PDE4D: variants seen among roughly 807,000 people sequenced by gnomAD.
PDE4D encodes 3',5'-cyclic-AMP phosphodiesterase 4D.
A neutral mutation model predicts 87.4 loss-of-function variants in PDE4D; 24 were observed. The observed-to-expected ratio is 0.27, with a 90% CI of 0.20 to 0.39. The LOEUF is 0.39. Among genes scored for constraint, PDE4D ranks in the 10% least tolerant of loss-of-function variants. The pLI, the probability that PDE4D is intolerant of heterozygous loss-of-function variation, is 1.00. For missense variants in PDE4D, 714 were observed against 1,041.0 expected, an observed-to-expected ratio of 0.69 and a Z score of 4.32; for synonymous variants, 384 against 383.2, an observed-to-expected ratio of 1.00 and a Z score of -0.02.
intron 1 of PDE4D, among the ~76,000 whole-genome samples, chr5:59,701,008 G>T (rs1752475453): frequency 1.3e-5 from 2 of 152,122 alleles, no homozygotes; most frequent in African/African-American, 4.8e-5. Flanking sequence ...GTTTGAGGAT[G>T]AACCCAAAGT....
At chr5:59,872,700 A>AGGGAG (rs963765218) in intron 1 of PDE4D, among the ~76,000 whole-genome samples, 18 of 152,202 alleles carry the variant, frequency 1.2e-4, no homozygotes, top group Admixed American at 5.2e-4. Flanking sequence ...GTTTGGTCTC[A>AGGGAG]GGGAGTGTGC....
At chr5:59,766,381 T>C (rs1271883383) in intron 1 of PDE4D, among the ~76,000 whole-genome samples, 2 of 152,206 alleles carry the variant, frequency 1.3e-5, no homozygotes, top group Non-Finnish European at 2.9e-5. Context: ...GAAATATTGA[T>C]AGAAATTGTG....
At chr5:59,186,315 T>C (rs1742901626) in intron 3 of PDE4D, among the ~76,000 whole-genome samples, 1 of 152,200 alleles carries the variant, frequency 6.6e-6, no homozygotes, top group Non-Finnish European at 1.5e-5. Flanking sequence ...TAGTGATACC[T>C]ACCTCGTAGA....
chr5:60,106,040 C>T (rs1776866886), intron 2 of PDE4D, among the ~76,000 whole-genome samples: 1 of 152,094 alleles, frequency 6.6e-6, no homozygotes, highest in Non-Finnish European at 1.5e-5. Flanking sequence ...AGTAAATGCT[C>T]CAATTAAAAG....
rs547076096 is a variant in PDE4D, at chr5:59,098,065, A to G, written c.809-59094T>C. Among the ~76,000 whole-genome samples, 7 of 152,314 alleles carry G rather than the reference A, an allele frequency of 4.6e-5. No homozygotes were observed. In the South Asian group the frequency reaches 1.2e-3, roughly 27 times the overall value. On this transcript the variant is annotated intron_variant, in intron 5 of 14. Transcript: ENST00000340635. ...ATTCCCAACTTCCAATATTTTTTAA[A>G]TTCTGTGGTTTTCTGGATTAATAAA...
chr5:59,349,125 A>C (rs1405494744), intron 1 of PDE4D, among the ~76,000 whole-genome samples: 1 of 152,142 alleles, frequency 6.6e-6, no homozygotes, highest in Non-Finnish European at 1.5e-5. Flanking sequence ...GTTTTAAAGT[A>C]GCATATAGTA....
chr5:60,474,970 G>A (rs1483450200), intron 1 of PDE4D, among the ~76,000 whole-genome samples: 1 of 152,118 alleles, frequency 6.6e-6, no homozygotes, highest in East Asian at 1.9e-4. Flanking sequence ...TGCTTGAATG[G>A]CTTTATTTTC....
chr5:59,863,727 A>C (rs1427684873), intron 1 of PDE4D, among the ~76,000 whole-genome samples: 1 of 152,218 alleles, frequency 6.6e-6, no homozygotes, highest in Non-Finnish European at 1.5e-5. Context: ...GATAGCAAAC[A>C]TGAGATGTCT....
chr5:59,963,151 C>T (rs1759662318), intron 3 of PDE4D, among the ~76,000 whole-genome samples: 1 of 152,180 alleles, frequency 6.6e-6, no homozygotes, highest in Non-Finnish European at 1.5e-5. Flanking sequence ...TCAACGTTTC[C>T]TCTCTACCTT....
intron 1 of PDE4D, among the ~76,000 whole-genome samples, chr5:60,442,396 C>T (rs961393793): frequency 1.3e-5 from 2 of 151,766 alleles, no homozygotes; most frequent in Admixed American, 6.6e-5. Context: ...ACGATGAGAA[C>T]ACATGGACAC....
chr5:60,151,899 T>C (rs1562156486), intron 2 of PDE4D, among the ~76,000 whole-genome samples: 2 of 152,226 alleles, frequency 1.3e-5, no homozygotes, highest in South Asian at 4.1e-4. Context: ...TGGCCTCTAT[T>C]ATATGTAGGT....
chr5:59,116,087 CA>C (rs1164509051), intron 5 of PDE4D, among the ~76,000 whole-genome samples: 1 of 151,830 alleles, frequency 6.6e-6, no homozygotes, highest in Non-Finnish European at 1.5e-5. Context: ...AATATACAGC[CA>C]AAAAATGTGT....
intron 3 of PDE4D, among the ~76,000 whole-genome samples, chr5:59,917,808 T>C (rs1260639325): frequency 1.3e-5 from 2 of 152,150 alleles, no homozygotes; most frequent in African/African-American, 4.8e-5. Flanking sequence ...TTTGTAAACA[T>C]TTAATATAAC....
intron 1 of PDE4D, among the ~76,000 whole-genome samples, chr5:59,422,073 A>G (rs187577688): frequency 1.3e-5 from 2 of 152,242 alleles, no homozygotes; most frequent in Admixed American, 1.3e-4. Flanking sequence ...AGAACCCAGT[A>G]AGAGTACAAA....
At chr5:60,344,981 T>G (rs996732839) in intron 1 of PDE4D, among the ~76,000 whole-genome samples, 4 of 152,064 alleles carry the variant, frequency 2.6e-5, no homozygotes, top group African/African-American at 9.7e-5. Flanking sequence ...AGATAATATT[T>G]ATTAATACTT....
intron 1 of PDE4D, among the ~76,000 whole-genome samples, chr5:60,395,722 AC>A (rs1472801476): frequency 2.0e-5 from 3 of 151,530 alleles, no homozygotes; most frequent in African/African-American, 7.3e-5. Flanking sequence ...CATAATCTAC[AC>A]TGTGTTCTGT....
rs372811535 is a variant in PDE4D, at chr5:59,632,246, G to C, written c.455+260922C>G. Among the ~76,000 whole-genome samples, 14 of 152,290 alleles carry C rather than the reference G, an allele frequency of 9.2e-5. No individual in the cohort carries two copies. In the South Asian group the frequency reaches 1.4e-3, roughly 16 times the overall value. On this transcript the variant is annotated intron_variant, in intron 1 of 14. Coordinates refer to ENST00000340635, the MANE Select transcript of PDE4D (RefSeq NM_001104631.2). ...GAAAGAAAGGTAGCAGCCCCAGTCA[G>C]GGGCTTACAGATAAAACTCCCATCT...
chr5:58,979,810 CCTT>C (rs750751820), intron 11 of PDE4D, among the ~76,000 whole-genome samples: 1 of 152,176 alleles, frequency 6.6e-6, no homozygotes, highest in Non-Finnish European at 1.5e-5. Flanking sequence ...TCGCATTCTA[CCTT>C]TTTTGTCTTT....
At chr5:59,436,258 T>C (rs1350953088) in intron 1 of PDE4D, among the ~76,000 whole-genome samples, 2 of 152,140 alleles carry the variant, frequency 1.3e-5, no homozygotes, top group South Asian at 4.1e-4. Flanking sequence ...TTAACTATCA[T>C]GAAGGTCATC....
Sources: allele counts gnomAD v4.1 joint callset (sites outside exome capture counted in the v4.1 genomes callset), GRCh38; gene constraint gnomAD v4.1.1; transcripts MANE v1.5; gene names NCBI Gene and HGNC (gene_info 2026-07-23, HGNC 2026-07-21).